Variants in KLF15 observed in about 807,000 individuals in gnomAD.
The protein encoded by KLF15 is KLF transcription factor 15.
Under a neutral mutation model 24.6 loss-of-function variants are expected in KLF15, and 4 were observed. That is an observed-to-expected ratio of 0.16 (90% CI 0.08 to 0.37). The LOEUF (loss-of-function observed/expected upper bound fraction) is 0.37, where lower values mean the gene tolerates loss of function less well. Among genes scored for constraint, KLF15 ranks in the 10% least tolerant of loss-of-function variants. The pLI, the probability that KLF15 is intolerant of heterozygous loss-of-function variation, is 1.00. For synonymous variants in KLF15, 246 were observed against 236.3 expected (o/e 1.04, Z -0.37); for missense variants, 496 against 560.6 (o/e 0.88, Z 1.16).
the KLF15 span, among the ~76,000 whole-genome samples, chr3:126,299,768 A>C: frequency 6.7e-6 from 1 of 148,958 alleles, no homozygotes; most frequent in Admixed American, 6.7e-5. Context: ...AAAAAAAAAA[A>C]AAAAAGGAGA....
chr3:126,305,189 A>G, the KLF15 span, among the ~76,000 whole-genome samples: 2 of 152,226 alleles, frequency 1.3e-5, no homozygotes, highest in Non-Finnish European at 2.9e-5. Flanking sequence ...TTGTGGAGCC[A>G]TGTTTTCATC....
At chr3:126,292,227 G>A in the KLF15 span, among the ~76,000 whole-genome samples, 4 of 152,110 alleles carry the variant, frequency 2.6e-5, no homozygotes, top group Admixed American at 1.3e-4. Context: ...TTCCCACACC[G>A]GGCCATTCAT....
chr3:126,304,536 T>C, the KLF15 span, among the ~76,000 whole-genome samples: 1 of 152,228 alleles, frequency 6.6e-6, no homozygotes, highest in Non-Finnish European at 1.5e-5. Context: ...TCTGAAGATC[T>C]TCAGGGTTCT....
At chr3:126,293,444 C>T in the KLF15 span, among the ~76,000 whole-genome samples, 1 of 152,136 alleles carries the variant, frequency 6.6e-6, no homozygotes, top group Non-Finnish European at 1.5e-5. Context: ...CAGGAGCCTC[C>T]TCGGGGTCTG....
At chr3:126,306,969 C>A in the KLF15 span, among the ~76,000 whole-genome samples, 1 of 152,348 alleles carries the variant, frequency 6.6e-6, no homozygotes, top group East Asian at 1.9e-4. Context: ...CCAATTGCCA[C>A]GTCCTTGAGT....
Position 126,352,677 on chromosome 3 carries a change from G to A in KLF15, c.246C>T (p.Ser82=). ...SQDSILDFLL[S]QATLGSGGGS... Reference sequence around the variant, plus strand: ...CCCCGCCACTGCCCAGCGTGGCCTGGGACAATAGGAAGTCCAAGATGCTGT... The same window carrying A: ...CCCCGCCACTGCCCAGCGTGGCCTGAGACAATAGGAAGTCCAAGATGCTGT... The change falls in exon 2 of 3, where the codon TCC becomes TCT. Residue 82 remains serine (S), a synonymous_variant. Coordinates refer to ENST00000296233, the MANE Select transcript of KLF15 (RefSeq NM_014079.4). 6.3e-7 allele frequency: 1 copy of A among 1,596,834 alleles called. No individual in the cohort carries two copies. Among genetic ancestry groups the A allele is most frequent in the Middle Eastern group, 1.7e-4 (1 of 6,024 alleles).
chr3:126,339,230 T>G (rs948636002), downstream of KLF15, among the ~76,000 whole-genome samples: 1 of 152,188 alleles, frequency 6.6e-6, no homozygotes, highest in African/African-American at 2.4e-5. Flanking sequence ...TGTCATCATT[T>G]GTCTTCTGCA....
At chr3:126,351,772 C>T in intron 2 of KLF15, 69 bp downstream of exon 2, 1 of 1,492,346 alleles carries the variant, frequency 6.7e-7, no homozygotes, top group Non-Finnish European at 9.0e-7. Flanking sequence ...AATGGCCCTG[C>T]TGCACACCCA....
intron 2 of KLF15, among the ~76,000 whole-genome samples, chr3:126,346,549 G>A (rs1415306164): frequency 6.6e-6 from 1 of 152,168 alleles, no homozygotes; most frequent in Non-Finnish European, 1.5e-5. Context: ...GCCACAGGTG[G>A]TGACGTGGGG....
chr3:126,327,339 C>A, the KLF15 span, among the ~76,000 whole-genome samples: 1 of 152,116 alleles, frequency 6.6e-6, no homozygotes, highest in African/African-American at 2.4e-5. Flanking sequence ...AAACAGGGAG[C>A]CCCCAGGAAG....
downstream of KLF15, among the ~76,000 whole-genome samples, chr3:126,339,450 C>A (rs1185906525): frequency 6.6e-6 from 1 of 152,120 alleles, no homozygotes; most frequent in Non-Finnish European, 1.5e-5. Context: ...CCCTCCCGGC[C>A]CCCCAGGGCA....
chr3:126,353,320 C>T (rs867187622), intron 1 of KLF15, among the ~76,000 whole-genome samples: 4 of 152,156 alleles, frequency 2.6e-5, no homozygotes, highest in Admixed American at 2.0e-4. Context: ...ATCAGCCCAC[C>T]GTCAACATCA....
the KLF15 span, among the ~76,000 whole-genome samples, chr3:126,321,807 C>T: frequency 2.0e-5 from 3 of 152,170 alleles, no homozygotes; most frequent in Non-Finnish European, 4.4e-5. Flanking sequence ...CTGAGTGTGC[C>T]GTATGTGTGT....
At chr3:126,333,380 T>A in the KLF15 span, among the ~76,000 whole-genome samples, 1 of 150,060 alleles carries the variant, frequency 6.7e-6, no homozygotes, top group Non-Finnish European at 1.5e-5. Context: ...CTGAGAGATT[T>A]TGTCACCACT....
chr3:126,320,523 CT>C, the KLF15 span, among the ~76,000 whole-genome samples: 67,132 of 151,762 alleles, frequency 0.44, 15,058 homozygotes, highest in Non-Finnish European at 0.47. Context: ...GATAAGAGTG[CT>C]TTCCTGTGCA....
the KLF15 span, among the ~76,000 whole-genome samples, chr3:126,330,392 G>A: frequency 6.6e-6 from 1 of 152,170 alleles, no homozygotes; most frequent in African/African-American, 2.4e-5. Flanking sequence ...ATTTCTGTGG[G>A]TTTATCTTGT....
At chr3:126,333,748 CAA>C in the KLF15 span, among the ~76,000 whole-genome samples, 3 of 123,756 alleles carry the variant, frequency 2.4e-5, no homozygotes, top group Non-Finnish European at 3.4e-5. Flanking sequence ...AAATGGAAAA[CAA>C]AAAACGGCAG....
chr3:126,294,864 T>TAC, the KLF15 span, among the ~76,000 whole-genome samples: 16,927 of 141,798 alleles, frequency 0.12, 895 homozygotes, highest in South Asian at 0.15. Context: ...TGCCCCTCCA[T>TAC]ACACACACAC....
Position 126,343,612 on chromosome 3 carries a change from G to T in KLF15, c.*115C>A. 1 of 1,059,016 alleles carries T rather than the reference G, an allele frequency of 9.4e-7. No individual in the cohort carries two copies. The highest frequency in any genetic ancestry group is 1.4e-6 in the Non-Finnish European group (1 of 725,898). 65.6% of individuals were successfully genotyped at this position (1,059,016 alleles called of 1,614,324 possible). On this transcript the variant is annotated 3_prime_UTR_variant, in exon 3 of 3. Coordinates refer to ENST00000296233, the MANE Select transcript of KLF15 (RefSeq NM_014079.4). ...GGTTCACACCTCCCAGGCTTCAGAAGGTGGGCTGGTAACATTGCCATGTCC... is the reference window on the plus strand; with the variant it reads ...GGTTCACACCTCCCAGGCTTCAGAATGTGGGCTGGTAACATTGCCATGTCC...
Sources: allele counts gnomAD v4.1 joint callset (sites outside exome capture counted in the v4.1 genomes callset), GRCh38; gene constraint gnomAD v4.1.1; transcripts MANE v1.5; gene names NCBI Gene and HGNC (gene_info 2026-07-23, HGNC 2026-07-21).